The following NRG3 variants were observed in gnomAD, a reference collection of about 807,000 sequenced individuals.
NRG3 encodes pro-neuregulin-3, membrane-bound isoform.
A neutral mutation model predicts 66.9 loss-of-function variants in NRG3; 31 were observed. The ratio of observed to expected loss-of-function variants is 0.46; its 90% CI spans 0.35 to 0.63. NRG3 has a LOEUF of 0.63. Ranked by LOEUF, NRG3 falls within the 20% of genes least tolerant of loss-of-function variation. The pLI, the probability that NRG3 is intolerant of heterozygous loss-of-function variation, is 0.00. For missense variants in NRG3, 910 were observed against 878.9 expected, an observed-to-expected ratio of 1.04 and a Z score of -0.45; for synonymous variants, 393 against 359.4, an observed-to-expected ratio of 1.09 and a Z score of -1.06.
chr10:82,358,850 G>T lies in NRG3; in HGVS notation c.935G>T (p.Gly312Val). 6.2e-7 allele frequency: 1 copy of T among 1,614,206 alleles called. No individual in the cohort carries two copies. The highest frequency in any genetic ancestry group is 8.5e-7 in the Non-Finnish European group (1 of 1,180,032). Residue 312 changes from glycine (G) to valine (V), a missense_variant, in exon 2 of 9, where the codon GGA (glycine) becomes GTA (valine). By Grantham distance (109) the Gly-to-Val change is moderately radical (BLOSUM62 -3). Coordinates refer to ENST00000372141, the MANE Select transcript of NRG3 (RefSeq NM_001010848.4). Reference protein sequence around the residue: ...GECFVIETLTGSHKHCRCKEG... With the variant: ...GECFVIETLTVSHKHCRCKEG... ...TGCTTTGTGATCGAAACCCTGACCG[G>T]ATCCCATAAACACTGTCGGTAAGCC...
chr10:82,890,920 G>A (rs1032771404), intron 4 of NRG3, among the ~76,000 whole-genome samples: 1 of 151,970 alleles, frequency 6.6e-6, no homozygotes, highest in Non-Finnish European at 1.5e-5. Context: ...TTGACATTTG[G>A]ATAATCTGTT....
rs904035781 is a variant in NRG3, at chr10:82,369,588, C to T, written c.953+10720C>T. On this transcript the variant is annotated intron_variant, in intron 2 of 8. Transcript: ENST00000372141. ...GTGCTGGGATTATAGGTGTAAACCACGGTGCCTGGCTTAGCTCCCAAAACT... is the reference window on the plus strand; with the variant it reads ...GTGCTGGGATTATAGGTGTAAACCATGGTGCCTGGCTTAGCTCCCAAAACT... Among the ~76,000 whole-genome samples the T allele has an allele frequency of 2.9e-5, 4 of 138,280 alleles. 1 individual carries two copies. Among genetic ancestry groups the T allele is most frequent in the Admixed American group, 6.8e-5 (1 of 14,712 alleles). The allele number at this position is 138,280 out of a possible 152,430, so 90.7% of individuals were successfully genotyped here. A position where few individuals can be genotyped will look rare whatever the true frequency, so the allele number is the denominator to read the frequency against.
At chr10:82,481,787 C>T (rs1344298939) in intron 2 of NRG3, among the ~76,000 whole-genome samples, 4 of 152,072 alleles carry the variant, frequency 2.6e-5, no homozygotes, top group African/African-American at 9.7e-5. Context: ...GAGTTCAAAA[C>T]CAGCCTGGCT....
chr10:82,000,407 G>T (rs1266460038), intron 1 of NRG3, among the ~76,000 whole-genome samples: 2 of 151,946 alleles, frequency 1.3e-5, no homozygotes, highest in Admixed American at 6.6e-5. Context: ...GGAGTTGTGA[G>T]CCATGGGGTA....
At chr10:82,081,761 C>T (rs1482396429) in intron 1 of NRG3, among the ~76,000 whole-genome samples, 2 of 152,200 alleles carry the variant, frequency 1.3e-5, no homozygotes, top group Non-Finnish European at 2.9e-5. Flanking sequence ...GGGGCCATTT[C>T]TCCGCATGGT....
intron 1 of NRG3, among the ~76,000 whole-genome samples, chr10:81,914,183 G>T (rs566786616): frequency 1.3e-5 from 2 of 152,204 alleles, no homozygotes; most frequent in East Asian, 1.9e-4. Flanking sequence ...TTTTTACAAT[G>T]AACACGTATT....
intron 1 of NRG3, among the ~76,000 whole-genome samples, chr10:82,088,803 G>A (rs1352083037): frequency 5.3e-5 from 8 of 152,096 alleles, no homozygotes; most frequent in Non-Finnish European, 1.5e-5. Flanking sequence ...ATGCTACCCT[G>A]ACAGGCTTAT....
chr10:82,116,519 T>G (rs543993750), intron 1 of NRG3, among the ~76,000 whole-genome samples: 1 of 152,166 alleles, frequency 6.6e-6, no homozygotes, highest in East Asian at 1.9e-4. Flanking sequence ...TGACATTTAC[T>G]TTGTTTTTGG....
intron 2 of NRG3, among the ~76,000 whole-genome samples, chr10:82,489,211 G>A (rs1842910748): frequency 1.3e-5 from 2 of 152,296 alleles, no homozygotes; most frequent in Middle Eastern, 3.4e-3. Context: ...GGAAATGGGT[G>A]CTTTAATAAT....
chr10:82,412,407 A>G (rs2088163835), intron 2 of NRG3, among the ~76,000 whole-genome samples: 1 of 152,184 alleles, frequency 6.6e-6, no homozygotes, highest in Non-Finnish European at 1.5e-5. Flanking sequence ...ATGCAATAGC[A>G]TCATGTCAAA....
chr10:82,001,690 T>A (rs917195685), intron 1 of NRG3, among the ~76,000 whole-genome samples: 21 of 152,304 alleles, frequency 1.4e-4, no homozygotes, highest in Admixed American at 7.8e-4. Context: ...CTTGGAAAAC[T>A]TAAGTCACTT....
chr10:82,681,308 A>G (rs1157018441), intron 2 of NRG3, among the ~76,000 whole-genome samples: 2 of 152,210 alleles, frequency 1.3e-5, no homozygotes, highest in African/African-American at 2.4e-5. Flanking sequence ...TCATTTGTAA[A>G]CTGGAGATAA....
intron 1 of NRG3, among the ~76,000 whole-genome samples, chr10:82,246,673 C>T (rs753971739): frequency 6.6e-6 from 1 of 151,630 alleles, no homozygotes; most frequent in African/African-American, 2.4e-5. Context: ...AAACACAGAG[C>T]AGAAAAAAAA....
intron 2 of NRG3, among the ~76,000 whole-genome samples, chr10:82,416,413 G>A (rs937332056): frequency 2.6e-5 from 4 of 152,148 alleles, no homozygotes; most frequent in Admixed American, 6.5e-5. Context: ...TTTGTATAGA[G>A]TGCCAAGCTC....
intron 4 of NRG3, among the ~76,000 whole-genome samples, chr10:82,915,305 G>A (rs1591941273): frequency 6.6e-6 from 1 of 152,124 alleles, no homozygotes; most frequent in South Asian, 2.1e-4. Context: ...GTTCTTTTTG[G>A]GAGGATAACA....
intron 2 of NRG3, among the ~76,000 whole-genome samples, chr10:82,599,157 A>G (rs947732690): frequency 3.3e-5 from 5 of 152,356 alleles, no homozygotes; most frequent in African/African-American, 9.6e-5. Context: ...TTCTGAGAAT[A>G]ATTGAGAACT....
intron 2 of NRG3, among the ~76,000 whole-genome samples, chr10:82,573,049 G>A (rs1229566417): frequency 6.6e-6 from 1 of 151,818 alleles, no homozygotes; most frequent in Non-Finnish European, 1.5e-5. Flanking sequence ...AGCAGGGAAG[G>A]CAGAAGACAG....
intron 4 of NRG3, among the ~76,000 whole-genome samples, chr10:82,923,921 A>C: frequency 6.6e-6 from 1 of 151,384 alleles, no homozygotes; most frequent in East Asian, 1.9e-4. Context: ...ACATGGTGAA[A>C]CCCCATCTCT....
At chr10:82,845,091 G>T (rs1439541776) in intron 3 of NRG3, among the ~76,000 whole-genome samples, 3 of 152,170 alleles carry the variant, frequency 2.0e-5, no homozygotes, top group Non-Finnish European at 2.9e-5. Context: ...GGACGCAGAG[G>T]TTGCAGTGAG....
Sources: gnomAD v4.1 joint callset for allele counts (sites outside exome capture counted in the v4.1 genomes callset) on GRCh38, gnomAD v4.1.1 for gene constraint, MANE v1.5 for transcripts, NCBI Gene and HGNC (gene_info 2026-07-23, HGNC 2026-07-21) for gene names.